The following CPSF3 variants were observed in gnomAD, a reference collection of about 807,000 sequenced individuals.
The protein encoded by CPSF3 is cleavage and polyadenylation specific factor 3, also known as cleavage and polyadenylation specificity factor subunit 3.
A neutral mutation model predicts 84.1 loss-of-function variants in CPSF3; 57 were observed. The observed-to-expected ratio is 0.68, with a 90% CI of 0.55 to 0.85. The LOEUF (loss-of-function observed/expected upper bound fraction) is 0.85, where lower values mean the gene tolerates loss of function less well. Ranked by LOEUF, CPSF3 falls within the 40% of genes least tolerant of loss-of-function variation. The probability of loss-of-function intolerance (pLI) is 0.00; values close to 1 mark genes in which losing one functional copy is unlikely to be tolerated. For synonymous variants in CPSF3, 275 were observed against 278.1 expected, an observed-to-expected ratio of 0.99 and a Z score of 0.11; for missense variants, 522 against 838.8, an observed-to-expected ratio of 0.62 and a Z score of 4.66.
chr2:9,450,525 C>A (rs372044533), intron 11 of CPSF3, among the ~76,000 whole-genome samples: 20 of 152,242 alleles, frequency 1.3e-4, no homozygotes, highest in Non-Finnish European at 1.6e-4. Flanking sequence ...CTGTGGCTCA[C>A]GCCCATAATC....
chr2:9,439,548 C>T (rs58929544), intron 7 of CPSF3, among the ~76,000 whole-genome samples: 12,321 of 151,860 alleles, frequency 0.081, 1,663 homozygotes, highest in African/African-American at 0.28. Flanking sequence ...TGCAGAGGCA[C>T]CTATTAGAAT....
intron 16 of CPSF3, among the ~76,000 whole-genome samples, chr2:9,469,475 C>A (rs1572814844): frequency 1.3e-5 from 2 of 152,242 alleles, no homozygotes; most frequent in Admixed American, 1.3e-4. Context: ...CTGGACTGGC[C>A]CCGCTCTCCC....
At chr2:9,439,479 A>G (rs545862915) in intron 7 of CPSF3, among the ~76,000 whole-genome samples, 3 of 151,912 alleles carry the variant, frequency 2.0e-5, no homozygotes, top group African/African-American at 7.2e-5. Context: ...TCTCAAAAAA[A>G]AAAAAAAAAG....
chr2:9,426,708 A>G (rs893755208), intron 1 of CPSF3, among the ~76,000 whole-genome samples: 4 of 152,172 alleles, frequency 2.6e-5, no homozygotes, highest in African/African-American at 9.6e-5. Flanking sequence ...GCCAAGGGAG[A>G]GGTGCTTGAG....
chr2:9,466,350 G>GCTCACACACA (rs1450948220), intron 15 of CPSF3, among the ~76,000 whole-genome samples: 13 of 108,184 alleles, frequency 1.2e-4, no homozygotes, highest in African/African-American at 5.5e-4. Flanking sequence ...ACGCGCGCGC[G>GCTCACACACA]CGCACACACA....
chr2:9,432,542 G>T lies in CPSF3; in HGVS notation c.373G>T (p.Glu125Ter). The part of the protein sequence containing the change: ...NISADDMLYT[E>*]TDLEESMDKI... ...ATCAGCAGACGACATGCTGTATACC[G>T]AGACAGATTTGGAAGAAAGCATGGA... Residue 125 changes from glutamate to a stop codon, truncating the protein, a stop_gained, in exon 5 of 18, where the codon GAG (glutamate) becomes TAG (stop). Transcript: ENST00000238112. LOFTEE classifies it high-confidence loss of function. 1 of 1,547,944 alleles carries T rather than the reference G, an allele frequency of 6.5e-7. No individual in the cohort carries two copies.
At position 9,443,530 on chromosome 2, in the gene CPSF3, C is replaced by G. The variant is rs779263224; in HGVS notation, c.1111C>G (p.Pro371Ala). The G allele has an allele frequency of 6.2e-7, 1 of 1,613,304 alleles. No homozygotes were observed. The highest frequency in any genetic ancestry group is 1.1e-5 in the South Asian group (1 of 91,014). ...GTLAKHIMSE[P>A]EEITTMSGQK... ...TTTTCCACAGCACATCATGTCTGAA[C>G]CTGAAGAAATCACTACTATGTCTGG... Residue 371 changes from proline (P) to alanine (A), a missense_variant, in exon 10 of 18, where the codon CCT becomes GCT. This residue lies in a region of CPSF3 where 329 missense variants were observed against 607.2 expected (regional missense o/e 0.54). Transcript: ENST00000238112.
At chr2:9,468,661 C>T (rs889573350) in intron 16 of CPSF3, among the ~76,000 whole-genome samples, 1 of 130,542 alleles carries the variant, frequency 7.7e-6, no homozygotes, top group African/African-American at 3.0e-5. Context: ...GAGTCTCACT[C>T]TGTCGCCCAG....
At position 9,443,439 on chromosome 2, in the gene CPSF3, CATGAAAAAA is replaced by C. The variant is rs1457551665; in HGVS notation, c.1096-68_1096-60del. 2.1e-6 allele frequency: 3 copies of C among 1,444,168 alleles called. No individual in the cohort carries two copies. In the African/African-American group the frequency reaches 4.2e-5, roughly 20 times the overall value. The allele number at this position is 1,444,168 out of a possible 1,614,324, so 89.5% of individuals were successfully genotyped here. ...TAAATTTAACATGAATTTATGACTG[CATGAAAAAA>C]ATGAAAATGTACCTTTACGATTATA... is the stretch of plus-strand genomic sequence containing the variant. On this transcript the variant is annotated intron_variant, in intron 9 of 17. Transcript: ENST00000238112.
intron 7 of CPSF3, among the ~76,000 whole-genome samples, chr2:9,437,772 C>T (rs967296127): frequency 6.6e-5 from 10 of 152,110 alleles, no homozygotes; most frequent in Non-Finnish European, 1.3e-4. Flanking sequence ...AGGCTAAGGG[C>T]GGAAGATCAC....
intron 1 of CPSF3, among the ~76,000 whole-genome samples, chr2:9,427,612 AC>A (rs1239996589): frequency 1.3e-5 from 2 of 152,194 alleles, no homozygotes; most frequent in Non-Finnish European, 2.9e-5. Context: ...CTGTATCAAC[AC>A]CTGTTTGGAG....
intron 16 of CPSF3, among the ~76,000 whole-genome samples, chr2:9,469,330 C>A (rs1171757845): frequency 6.6e-6 from 1 of 152,160 alleles, no homozygotes. Context: ...CCCCTCCCCA[C>A]AGGCTATCCT....
At chr2:9,462,160 G>C (rs1370202023) in intron 15 of CPSF3, among the ~76,000 whole-genome samples, 1 of 152,300 alleles carries the variant, frequency 6.6e-6, no homozygotes, top group East Asian at 1.9e-4. Context: ...ATCACGCCCA[G>C]GGCTTTGGGC....
intron 17 of CPSF3, 113 bp downstream of exon 17, chr2:9,471,552 C>A: frequency 1.5e-6 from 1 of 688,208 alleles, no homozygotes. Context: ...CATTTGCTTC[C>A]AGTGTTTCCA....
intron 16 of CPSF3, among the ~76,000 whole-genome samples, chr2:9,469,937 G>C (rs1682105945): frequency 6.6e-6 from 1 of 152,030 alleles, no homozygotes; most frequent in Non-Finnish European, 1.5e-5. Context: ...TTTTTGGCTG[G>C]GTGTGGTGAC....
chr2:9,436,485 G>C, intron 7 of CPSF3, 124 bp downstream of exon 7: 3 of 1,136,830 alleles, frequency 2.6e-6, no homozygotes, highest in Non-Finnish European at 3.6e-6. Context: ...TAAAAATAGA[G>C]ATTTGGGGCC....
At chr2:9,456,304 G>A (rs903860797) in intron 13 of CPSF3, among the ~76,000 whole-genome samples, 3 of 152,172 alleles carry the variant, frequency 2.0e-5, no homozygotes, top group African/African-American at 7.2e-5. Flanking sequence ...AAATTAAAAG[G>A]TGTAGACTTT....
intron 1 of CPSF3, among the ~76,000 whole-genome samples, chr2:9,427,028 A>C (rs1680418997): frequency 6.6e-6 from 1 of 152,184 alleles, no homozygotes; most frequent in East Asian, 1.9e-4. Context: ...CTGGGGAAAG[A>C]ATAAAGTGGG....
intron 14 of CPSF3, 21 bp from the exon 15 acceptor site, chr2:9,459,510 A>G: frequency 6.3e-7 from 1 of 1,581,154 alleles, no homozygotes; most frequent in Non-Finnish European, 8.7e-7. Context: ...TCACTTCCTA[A>G]TTCTGCCTTT....
Sources: allele counts gnomAD v4.1 joint callset (sites outside exome capture counted in the v4.1 genomes callset), GRCh38; gene constraint gnomAD v4.1.1; regional missense constraint gnomAD v4.1.1; transcripts MANE v1.5; gene names NCBI Gene and HGNC (gene_info 2026-07-23, HGNC 2026-07-21).